The following RNF17 variants were observed in gnomAD, a reference collection of about 807,000 sequenced individuals.
RNF17 encodes ring finger protein 17, also known as spermatogenesis associated 23.
A neutral mutation model predicts 200.5 loss-of-function variants in RNF17; 31 were observed. That is an observed-to-expected ratio of 0.15 (90% confidence interval 0.12 to 0.21). The LOEUF is 0.21. Among genes scored for constraint, RNF17 ranks in the 10% least tolerant of loss-of-function variants. RNF17 has a pLI of 1.00. For synonymous variants in RNF17, 606 were observed against 637.8 expected (o/e 0.95, Z 0.75); for missense variants, 1,628 against 1,905.1 (o/e 0.85, Z 2.71).
intron 30 of RNF17, 34 bp from the exon 31 acceptor site, chr13:24,868,566 A>G (rs767179699): frequency 9.8e-7 from 1 of 1,016,014 alleles, no homozygotes; most frequent in East Asian, 3.0e-5. Context: ...TTTTGTCCTT[A>G]TTCTGAAATT....
At chr13:24,883,837 A>T, downstream of RNF17, 2 of 1,024,764 alleles carry the variant, frequency 2.0e-6, no homozygotes, top group Non-Finnish European at 1.5e-6. Context: ...TGGGACATTC[A>T]TTCAAACTGA....
chr13:24,754,748 T>A, the RNF17 span, among the ~76,000 whole-genome samples: 3 of 152,040 alleles, frequency 2.0e-5, no homozygotes, highest in East Asian at 5.8e-4. Flanking sequence ...AAAATAAAAT[T>A]AGCCAGGTGT....
Position 24,764,229 on chromosome 13 carries a change from G to C in RNF17, c.26G>C (p.Gly9Ala), listed in dbSNP as rs375993919. 161 of 1,604,114 alleles carry C rather than the reference G, an allele frequency of 1.0e-4. No homozygotes were observed. The highest frequency in any genetic ancestry group is 3.3e-4 in the Middle Eastern group (2 of 6,046). Residue 9 changes from glycine (G) to alanine (A), a missense_variant, in exon 1 of 36, where the codon GGG becomes GCG. Coordinates refer to ENST00000255324, the MANE Select transcript of RNF17 (RefSeq NM_031277.3). ...ATGGCGGCAGAGGCTTCGAAGACTG[G>C]GCCTTCTAGGTCTTCCTACCAGCGA... MAAEASKT[G>A]PSRSSYQRMG...
At chr13:24,869,140 C>G (rs1418067346) in intron 31 of RNF17, among the ~76,000 whole-genome samples, 2 of 152,172 alleles carry the variant, frequency 1.3e-5, no homozygotes, top group Non-Finnish European at 2.9e-5. Flanking sequence ...GAGGTATCCC[C>G]AGAACCTAGA....
At position 24,764,184 on chromosome 13, in the gene RNF17, T is replaced by C. The variant is rs1302696802; in HGVS notation, c.-20T>C. 2 of 1,573,396 alleles carry C rather than the reference T, an allele frequency of 1.3e-6. No homozygotes were observed. Among genetic ancestry groups the C allele is most frequent in the Non-Finnish European group, 1.7e-6 (2 of 1,150,160 alleles). On this transcript the variant is annotated 5_prime_UTR_variant, in exon 1 of 36. Transcript: ENST00000255324. ...GCCGGGACTCGCACTCGGCGGTTGT[T>C]CCAGAAGAAAGAGACAGCGATGGCG...
rs1226421986 is a variant in RNF17, at chr13:24,807,476, GC to G, written c.2091+3050del. On this transcript the variant is annotated intron_variant, in intron 15 of 35. Transcript: ENST00000255324. ...TGAGAAGTGTCTGTTCATAGCCTTC[GC>G]CCACTTTTTGATGGGGTTGTTTTTT... Among the ~76,000 whole-genome samples the G allele has an allele frequency of 7.2e-5, 11 of 152,216 alleles. No individual in the cohort carries two copies. The East Asian group carries it at 2.1e-3, about 29-fold the overall frequency.
intron 18 of RNF17, among the ~76,000 whole-genome samples, chr13:24,838,371 C>G (rs528651028): frequency 6.6e-4 from 101 of 152,026 alleles, no homozygotes; most frequent in Non-Finnish European, 1.3e-3. Context: ...CCAGGAAAGA[C>G]ACAACCAAAA....
At chr13:24,855,942 C>A (rs1892431207) in intron 25 of RNF17, among the ~76,000 whole-genome samples, 1 of 152,128 alleles carries the variant, frequency 6.6e-6, no homozygotes, top group African/African-American at 2.4e-5. Context: ...TAAGTCATTG[C>A]TTTCTGATTC....
chr13:24,887,326 T>C, the RNF17 span, among the ~76,000 whole-genome samples: 1 of 152,154 alleles, frequency 6.6e-6, no homozygotes, highest in African/African-American at 2.4e-5. Context: ...CTGTGGCCTG[T>C]AGGAACTGGG....
chr13:24,754,039 T>C, the RNF17 span, among the ~76,000 whole-genome samples: 148 of 152,040 alleles, frequency 9.7e-4, 1 homozygote, highest in East Asian at 0.025. Context: ...GTGCCTGTAA[T>C]CCCAGCTACT....
chr13:24,857,876 A>G (rs1335542451), intron 25 of RNF17, among the ~76,000 whole-genome samples: 2 of 152,222 alleles, frequency 1.3e-5, no homozygotes, highest in East Asian at 1.9e-4. Flanking sequence ...AGCCTGGGCA[A>G]CAGAGTAAGA....
chr13:24,763,563 A>G (rs1212853431), upstream of RNF17, among the ~76,000 whole-genome samples: 1 of 151,718 alleles, frequency 6.6e-6, no homozygotes, highest in African/African-American at 2.4e-5. Context: ...GGTACATAAC[A>G]CTTATTTTGG....
At chr13:24,828,026 A>G (rs1888938675) in intron 16 of RNF17, among the ~76,000 whole-genome samples, 1 of 152,200 alleles carries the variant, frequency 6.6e-6, no homozygotes, top group Non-Finnish European at 1.5e-5. Context: ...TTTGAGACAA[A>G]AACATTCCAG....
chr13:24,760,612 A>G (rs1249545271), upstream of RNF17, among the ~76,000 whole-genome samples: 1 of 152,160 alleles, frequency 6.6e-6, no homozygotes. Flanking sequence ...AAAAGCAAAA[A>G]TAGACAAACA....
rs553332735 is a variant in RNF17 at position 24,848,353 on chromosome 13, C to T, written c.3102-1988C>T. Among the ~76,000 whole-genome samples the T allele has an allele frequency of 3.9e-5, 6 of 152,198 alleles. No individual in the cohort carries two copies. In the South Asian group the frequency reaches 1.2e-3, roughly 32 times the overall value. ...TACCCTTTTACCATTCTTAAGTGTA[C>T]AGTTCTATGACATTAAGAACATTCA... is the stretch of plus-strand genomic sequence containing the variant. On this transcript the variant is annotated intron_variant, in intron 22 of 35. Coordinates refer to ENST00000255324, the MANE Select transcript of RNF17 (RefSeq NM_031277.3).
chr13:24,767,317 G>A lies in RNF17; in HGVS notation c.176G>A (p.Cys59Tyr), dbSNP rs762078518. Residue 59 changes from cysteine (C) to tyrosine (Y), a missense_variant, in exon 2 of 36, where the codon TGC (cysteine) becomes TAC (tyrosine). Transcript: ENST00000255324. The part of the protein sequence containing the change: ...LQCGHAFCEL[C>Y]LLMTEECTTI... ...TGTGGACATGCTTTTTGTGAACTAT[G>A]CTTGTTAATGACTGAAGAATGCACC... 1 of 1,612,906 alleles carries A rather than the reference G, an allele frequency of 6.2e-7. No individual in the cohort carries two copies. Among genetic ancestry groups the A allele is most frequent in the Non-Finnish European group, 8.5e-7 (1 of 1,178,998 alleles).
chr13:24,819,702 A>G (rs528039703), intron 15 of RNF17, among the ~76,000 whole-genome samples: 2 of 152,268 alleles, frequency 1.3e-5, no homozygotes, highest in Non-Finnish European at 2.9e-5. Context: ...TGTGTGCTCA[A>G]TAACATAGAT....
chr13:24,864,536 C>T (rs977123037), intron 28 of RNF17, among the ~76,000 whole-genome samples: 4 of 148,586 alleles, frequency 2.7e-5, no homozygotes, highest in African/African-American at 7.4e-5. Flanking sequence ...CACCTCTGAA[C>T]GTAACCTTTT....
intron 25 of RNF17, among the ~76,000 whole-genome samples, chr13:24,855,134 G>T (rs755751347): frequency 3.3e-5 from 5 of 151,762 alleles, no homozygotes; most frequent in South Asian, 2.1e-4. Flanking sequence ...CCACCTTGGC[G>T]CATTTCACTA....
Sources: gnomAD v4.1 joint callset for allele counts (sites outside exome capture counted in the v4.1 genomes callset) on GRCh38, gnomAD v4.1.1 for gene constraint, MANE v1.5 for transcripts, NCBI Gene and HGNC (gene_info 2026-07-23, HGNC 2026-07-21) for gene names.